Variants in MTERF4 observed in about 807,000 individuals in gnomAD.
The protein encoded by MTERF4 is mitochondrial transcription termination factor 4.
Under a neutral mutation model 22.5 loss-of-function variants are expected in MTERF4, and 17 were observed. The observed-to-expected ratio is 0.75, with a 90% CI of 0.52 to 1.13. MTERF4 has a LOEUF of 1.13. Ranked by LOEUF, MTERF4 falls within the 50% of genes most tolerant of loss-of-function variation. MTERF4 has a pLI of 0.00. For synonymous variants in MTERF4, 165 were observed against 175.3 expected, an observed-to-expected ratio of 0.94 and a Z score of 0.47; for missense variants, 420 against 466.8, an observed-to-expected ratio of 0.90 and a Z score of 0.92.
chr2:241,096,488 C>G lies in MTERF4; in HGVS notation c.706-50G>C. On this transcript the variant is annotated intron_variant, in intron 3 of 3. Coordinates refer to ENST00000391980, the MANE Select transcript of MTERF4 (RefSeq NM_182501.4). The surrounding 1 kb of genome is among the most constrained non-coding windows in gnomAD (Gnocchi z 5.1). ...AGTCCCAGATACAGAGTATTGAAAC[C>G]TATCATTCTATAAACCATAAAAACT... 6.3e-7 allele frequency: 1 copy of G among 1,585,974 alleles called. No individual in the cohort carries two copies. The highest frequency in any genetic ancestry group is 8.7e-7 in the Non-Finnish European group (1 of 1,155,706).
chr2:241,077,549 T>G (rs1273528322), intron 4 of MTERF4, among the ~76,000 whole-genome samples: 7 of 151,828 alleles, frequency 4.6e-5, no homozygotes, highest in African/African-American at 1.5e-4. Context: ...AATAAAGAGC[T>G]CTGACAACTG....
At position 241,095,839 on chromosome 2, in the gene MTERF4, G is replaced by C; in HGVS notation, c.*159C>G. 2 of 1,350,420 alleles carry C rather than the reference G, an allele frequency of 1.5e-6. No homozygotes were observed. Among genetic ancestry groups the C allele is most frequent in the Non-Finnish European group, 2.0e-6 (2 of 996,480 alleles). 83.7% of individuals were successfully genotyped at this position (1,350,420 alleles called of 1,614,324 possible). A position where few individuals can be genotyped will look rare whatever the true frequency, so the allele number is the denominator to read the frequency against. On this transcript the variant is annotated 3_prime_UTR_variant, in exon 4 of 4. Transcript: ENST00000391980. ...TCCTGTTTCCTGTTTGGTTTGATCT[G>C]TCTGCCTCTCAGGTGACTTATAATT... is the stretch of plus-strand genomic sequence containing the variant.
chr2:241,090,974 T>C (rs2063935161), downstream of MTERF4, among the ~76,000 whole-genome samples: 1 of 152,090 alleles, frequency 6.6e-6, no homozygotes, highest in Non-Finnish European at 1.5e-5. Context: ...CATCGTGCAG[T>C]GCCTAACTGT....
downstream of MTERF4, chr2:241,087,583 G>T: frequency 6.9e-7 from 1 of 1,458,160 alleles, no homozygotes; most frequent in Non-Finnish European, 9.1e-7. Flanking sequence ...TGAGCCAGGC[G>T]GTCTACTCGC....
At position 241,095,665 on chromosome 2, in the gene MTERF4, T is replaced by G. The variant is rs566484236; in HGVS notation, c.*333A>C. On this transcript the variant is annotated 3_prime_UTR_variant, in exon 4 of 4. Coordinates refer to ENST00000391980, the MANE Select transcript of MTERF4 (RefSeq NM_182501.4). The stretch of plus-strand genomic sequence containing the variant: ...ACCCCATCTTCCAACTGTCACGGAA[T>G]TATCACCAACATATTCAAAAGAGAA... The G allele has an allele frequency of 3.0e-5, 8 of 268,454 alleles. No homozygotes were observed. In the South Asian group the frequency reaches 7.9e-4, roughly 27 times the overall value. The allele number at this position is 268,454 out of a possible 1,614,324, so 16.6% of individuals were successfully genotyped here.
At chr2:241,067,641 CA>C (rs1467706322), downstream of MTERF4, 26 of 728,878 alleles carry the variant, frequency 3.6e-5, no homozygotes, top group East Asian at 6.6e-4. Flanking sequence ...GTTGATGGGA[CA>C]CCCTCTCCAG....
chr2:241,091,758 C>T (rs1232636779), downstream of MTERF4: 1 of 152,272 alleles, frequency 6.6e-6, no homozygotes, highest in African/African-American at 2.4e-5. This position sits in a 1 kb window ranked among gnomAD's most constrained non-coding sequence, Gnocchi z 4.1. Context: ...GGAGTCAGTC[C>T]CCTCTGTGAC....
chr2:241,067,868 C>T (rs750625528), downstream of MTERF4: 4 of 1,613,504 alleles, frequency 2.5e-6, no homozygotes, highest in Non-Finnish European at 3.4e-6. Flanking sequence ...CAGTGGGGTC[C>T]GTGTGTCCAT....
At chr2:241,094,291 C>T (rs1328051843), downstream of MTERF4, 1 of 469,422 alleles carries the variant, frequency 2.1e-6, no homozygotes, top group African/African-American at 2.0e-5. This position sits in a 1 kb window ranked among gnomAD's most constrained non-coding sequence, Gnocchi z 4.3. Context: ...TGCACCTCCC[C>T]TTAGCAGGAA....
chr2:241,070,444 G>A (rs1209712190), downstream of MTERF4, among the ~76,000 whole-genome samples: 1 of 152,252 alleles, frequency 6.6e-6, no homozygotes, highest in Non-Finnish European at 1.5e-5. Context: ...GCCTCAGTTT[G>A]TGCCGGACCC....
downstream of MTERF4, among the ~76,000 whole-genome samples, chr2:241,085,692 G>A (rs1374729923): frequency 6.6e-6 from 1 of 150,936 alleles, no homozygotes; most frequent in East Asian, 1.9e-4. Context: ...TGTTACTGAC[G>A]CTGGATTTGT....
At chr2:241,050,809 A>T in the MTERF4 span, among the ~76,000 whole-genome samples, 1 of 151,126 alleles carries the variant, frequency 6.6e-6, no homozygotes, top group African/African-American at 2.5e-5. Flanking sequence ...TGCCAGTGGT[A>T]TGAAGTCCAC....
At chr2:241,048,675 CTG>C in the MTERF4 span, 1 of 1,611,088 alleles carries the variant, frequency 6.2e-7, no homozygotes, top group Non-Finnish European at 8.5e-7. Context: ...TCCCCGATGA[CTG>C]TGAGTGCCGC....
At chr2:241,064,992 C>T in the MTERF4 span, 44 of 1,486,318 alleles carry the variant, frequency 3.0e-5, no homozygotes, top group Admixed American at 6.1e-4. The surrounding 1 kb of genome is among the most constrained non-coding windows in gnomAD (Gnocchi z 7.0). Flanking sequence ...GAGGGAGCCA[C>T]GAGGGGGTCC....
rs749631196 is a variant in MTERF4 at position 241,096,365 on chromosome 2, T to C, written c.779A>G (p.Lys260Arg). ...KSEYLQYSLT[K>R]IKQRHIYLER... The stretch of plus-strand genomic sequence containing the variant: ...CAGGTAAATGTGTCTCTGCTTAATC[T>C]TGGTTAGTGAATACTGCAAGTACTC... The change falls in exon 4 of 4, where the codon AAG becomes AGG. Residue 260 changes from lysine (K) to arginine (R), a missense_variant. Lys to Arg is a conservative substitution (Grantham distance 26). Transcript: ENST00000391980. This position sits in a 1 kb window ranked among gnomAD's most constrained non-coding sequence, Gnocchi z 5.1. 3.1e-6 allele frequency: 5 copies of C among 1,614,184 alleles called. No individual in the cohort carries two copies. The highest frequency in any genetic ancestry group is 4.2e-6 in the Non-Finnish European group (5 of 1,180,038).
At chr2:241,093,166 G>A (rs906764389), downstream of MTERF4, 2 of 152,624 alleles carry the variant, frequency 1.3e-5, no homozygotes, top group Admixed American at 1.3e-4. Flanking sequence ...CCAGGCTCCA[G>A]ACCCACTTGA....
chr2:241,099,885 A>G lies in MTERF4; in HGVS notation c.31T>C (p.Trp11Arg). 1 of 1,612,202 alleles carries G rather than the reference A, an allele frequency of 6.2e-7. No individual in the cohort carries two copies. The highest frequency in any genetic ancestry group is 8.5e-7 in the Non-Finnish European group (1 of 1,179,980). ...CAGGTGAGGGGGATCAGGCGGTGCC[A>G]ATCAAGGACCTGTAAGACACAGGAC... MAAFGRQVLD[W>R]HRLIPLTWAC... The change falls in exon 2 of 4, where the codon TGG (tryptophan) becomes CGG (arginine). Residue 11 changes from tryptophan (W) to arginine (R), a missense_variant. By Grantham distance (101) the Trp-to-Arg change is moderately radical (BLOSUM62 -3). Coordinates refer to ENST00000391980, the MANE Select transcript of MTERF4 (RefSeq NM_182501.4).
At chr2:241,089,348 CTA>C, downstream of MTERF4, 2 of 1,550,618 alleles carry the variant, frequency 1.3e-6, no homozygotes, top group Non-Finnish European at 1.7e-6. Context: ...CAAAACAGGT[CTA>C]TGTTTTGTTA....
At chr2:241,071,059 C>T (rs968702753), downstream of MTERF4, among the ~76,000 whole-genome samples, 5 of 152,150 alleles carry the variant, frequency 3.3e-5, no homozygotes, top group East Asian at 3.9e-4. Flanking sequence ...CTCTGTGAGC[C>T]GGCGTCAGAG....
Sources: allele counts gnomAD v4.1 joint callset (sites outside exome capture counted in the v4.1 genomes callset), GRCh38; gene constraint gnomAD v4.1.1; non-coding constraint Gnocchi (gnomAD v3.1); transcripts MANE v1.5; gene names NCBI Gene and HGNC (gene_info 2026-07-23, HGNC 2026-07-21).